The following SLC4A7 variants were observed in gnomAD, a reference collection of about 807,000 sequenced individuals.
The protein encoded by SLC4A7 is sodium bicarbonate cotransporter 3.
A neutral mutation model predicts 137.6 loss-of-function variants in SLC4A7; 51 were observed. The ratio of observed to expected loss-of-function variants is 0.37; its 90% CI spans 0.30 to 0.47. The LOEUF (loss-of-function observed/expected upper bound fraction) is 0.47. SLC4A7 is among the 20% of genes least tolerant of loss of function. The pLI, the probability that SLC4A7 is intolerant of heterozygous loss-of-function variation, is 1.00. For missense variants in SLC4A7, 1,247 were observed against 1,525.4 expected (o/e 0.82, Z 3.04); for synonymous variants, 542 against 518.6 (o/e 1.05, Z -0.61).
intron 20 of SLC4A7, among the ~76,000 whole-genome samples, chr3:27,392,980 TTTTC>T (rs1436142524): frequency 2.0e-5 from 3 of 151,646 alleles, no homozygotes; most frequent in African/African-American, 4.8e-5. Flanking sequence ...AAGGAGAAAA[TTTTC>T]TTTAATAGCA....
At chr3:27,452,883 T>C (rs2058169159) in intron 1 of SLC4A7, among the ~76,000 whole-genome samples, 2 of 152,180 alleles carry the variant, frequency 1.3e-5, no homozygotes, top group African/African-American at 2.4e-5. Flanking sequence ...TGCTCTTAAG[T>C]CTCCTAAATA....
In SLC4A7 at chr3:27,394,947, A is replaced by C. The variant is rs910146858; in HGVS notation, c.2865+7T>G. 1 of 1,589,116 alleles carries C rather than the reference A, an allele frequency of 6.3e-7. No individual in the cohort carries two copies. Among genetic ancestry groups the C allele is most frequent in the Non-Finnish European group, 8.5e-7 (1 of 1,171,232 alleles). The stretch of plus-strand genomic sequence containing the variant: ...TCACAATGCTTAAGGCAAAATTCTA[A>C]AATTACCTTCAATTTGTGTTCCTTT... On this transcript the variant is annotated splice_region_variant and intron_variant, in intron 19 of 25. Coordinates refer to ENST00000454389, the MANE Select transcript of SLC4A7 (RefSeq NM_001321103.2).
chr3:27,402,597 G>A (rs2052884400), intron 15 of SLC4A7, among the ~76,000 whole-genome samples: 1 of 152,044 alleles, frequency 6.6e-6, no homozygotes, highest in Non-Finnish European at 1.5e-5. Context: ...CTACTGGTGG[G>A]CTGAGGCAGG....
intron 1 of SLC4A7, among the ~76,000 whole-genome samples, chr3:27,475,224 T>C (rs2059416015): frequency 6.6e-6 from 1 of 151,840 alleles, no homozygotes; most frequent in Non-Finnish European, 1.5e-5. Flanking sequence ...CACAAACTCT[T>C]CTACAATTTT....
intron 22 of SLC4A7, among the ~76,000 whole-genome samples, chr3:27,386,608 T>C (rs1307598807): frequency 6.6e-6 from 1 of 152,180 alleles, no homozygotes; most frequent in Non-Finnish European, 1.5e-5. Context: ...GAGTTCTGTG[T>C]AGTTTGAATA....
intron 23 of SLC4A7, among the ~76,000 whole-genome samples, chr3:27,383,464 T>C (rs2050635684): frequency 6.6e-6 from 1 of 152,222 alleles, no homozygotes; most frequent in Non-Finnish European, 1.5e-5. Flanking sequence ...TTCATTTCTT[T>C]ATGTAAATCA....
intron 5 of SLC4A7, 109 bp from the exon 6 acceptor site, chr3:27,434,213 GAA>G (rs2056552361): frequency 1.5e-6 from 1 of 679,956 alleles, no homozygotes; most frequent in South Asian, 2.4e-5. Flanking sequence ...AATAGCTCTA[GAA>G]AGTTTTATTC....
At position 27,403,142 on chromosome 3, in the gene SLC4A7, T is replaced by C; in HGVS notation, c.2318A>G (p.Tyr773Cys). The C allele has an allele frequency of 6.2e-7, 1 of 1,602,416 alleles. No individual in the cohort carries two copies. Among genetic ancestry groups the C allele is most frequent in the Non-Finnish European group, 8.5e-7 (1 of 1,176,264 alleles). The change falls in exon 15 of 26, where the codon TAC (tyrosine) becomes TGC (cysteine). Residue 773 changes from tyrosine to cysteine, a missense_variant. By Grantham distance (194) the Tyr-to-Cys change is radical (BLOSUM62 -2). This residue lies in a region of SLC4A7 where 499 missense variants were observed against 664.2 expected (regional missense o/e 0.75). Transcript: ENST00000454389. ...MHNNLDKLTS[Y>C]SCVCTEPPNP... ...AGGAGAAAAGAGAAATACTTACGAGTAGCTGGTCAGTTTATCTAAGTTGTT... is the reference window on the plus strand; with the variant it reads ...AGGAGAAAAGAGAAATACTTACGAGCAGCTGGTCAGTTTATCTAAGTTGTT...
At chr3:27,399,963 A>G (rs906960612) in intron 16 of SLC4A7, among the ~76,000 whole-genome samples, 15 of 152,186 alleles carry the variant, frequency 9.9e-5, no homozygotes, top group African/African-American at 3.6e-4. Flanking sequence ...TATCAGTGGG[A>G]TAAAATTTCA....
intron 1 of SLC4A7, among the ~76,000 whole-genome samples, chr3:27,463,309 T>C (rs558173826): frequency 9.2e-5 from 14 of 152,138 alleles, no homozygotes; most frequent in Non-Finnish European, 1.8e-4. Context: ...CGGGCGCCTA[T>C]AGTCCAGCTA....
intron 1 of SLC4A7, among the ~76,000 whole-genome samples, chr3:27,453,297 G>C (rs1278567166): frequency 2.0e-5 from 3 of 152,148 alleles, no homozygotes; most frequent in Non-Finnish European, 2.9e-5. Flanking sequence ...CACTGCTAGA[G>C]AGAGAACAAA....
rs142476977 is a variant in SLC4A7 at position 27,432,619 on chromosome 3, T to C, written c.779-950A>G. Among the ~76,000 whole-genome samples, 20 of 152,286 alleles carry C rather than the reference T, an allele frequency of 1.3e-4. No individual in the cohort carries two copies. The East Asian group carries it at 2.9e-3, about 22-fold the overall frequency. ...TTACATGCTCAAGAGGTTTCAGAAATAGTTAAACTATAATCCATTAGGAAA... is the reference window on the plus strand; with the variant it reads ...TTACATGCTCAAGAGGTTTCAGAAACAGTTAAACTATAATCCATTAGGAAA... On this transcript the variant is annotated intron_variant, in intron 6 of 25. Transcript: ENST00000454389.
chr3:27,390,394 A>G (rs1463300889), intron 21 of SLC4A7: 1 of 245,426 alleles, frequency 4.1e-6, no homozygotes, highest in Non-Finnish European at 7.8e-6. Flanking sequence ...AGATAAACTT[A>G]TCTGCTATAA....
intron 1 of SLC4A7, among the ~76,000 whole-genome samples, chr3:27,481,583 C>A (rs1336377047): frequency 2.0e-5 from 3 of 152,208 alleles, no homozygotes; most frequent in Non-Finnish European, 4.4e-5. Flanking sequence ...ATTTTATCAA[C>A]GCCAATAGTT....
At chr3:27,447,078 G>A (rs1362538084) in intron 3 of SLC4A7, among the ~76,000 whole-genome samples, 2 of 150,168 alleles carry the variant, frequency 1.3e-5, no homozygotes, top group Admixed American at 1.3e-4. Flanking sequence ...AGTAGAGACG[G>A]GGTTTCACCA....
At chr3:27,415,096 T>TA (rs1425883253) in intron 11 of SLC4A7, among the ~76,000 whole-genome samples, 1 of 152,216 alleles carries the variant, frequency 6.6e-6, no homozygotes, top group Non-Finnish European at 1.5e-5. Context: ...TATCAAGACT[T>TA]AAAGGTTCTC....
At chr3:27,457,714 T>C (rs2058484687) in intron 1 of SLC4A7, among the ~76,000 whole-genome samples, 1 of 152,286 alleles carries the variant, frequency 6.6e-6, no homozygotes, top group Middle Eastern at 3.4e-3. Context: ...TTAGAGCTTT[T>C]CCAAATGTCA....
chr3:27,406,860 TAC>T (rs1337690892), intron 13 of SLC4A7, among the ~76,000 whole-genome samples: 1 of 151,902 alleles, frequency 6.6e-6, no homozygotes, highest in Non-Finnish European at 1.5e-5. Flanking sequence ...AGGTCAAAAC[TAC>T]AGAGAGCTGA....
chr3:27,463,617 C>T (rs1274902473), intron 1 of SLC4A7, among the ~76,000 whole-genome samples: 3 of 152,210 alleles, frequency 2.0e-5, no homozygotes, highest in East Asian at 1.9e-4. Flanking sequence ...ATAAAAAGGG[C>T]TCCCAAGAAA....
Sources: gnomAD v4.1 joint callset for allele counts (sites outside exome capture counted in the v4.1 genomes callset) on GRCh38, gnomAD v4.1.1 for gene constraint, gnomAD v4.1.1 regional missense constraint, MANE v1.5 for transcripts, NCBI Gene and HGNC (gene_info 2026-07-23, HGNC 2026-07-21) for gene names.